The following CCDC178 variants were observed in gnomAD, a reference collection of about 807,000 sequenced individuals.
CCDC178 encodes coiled-coil domain containing 178, also known as coiled-coil domain-containing protein 178.
A neutral mutation model predicts 117.4 loss-of-function variants in CCDC178; 126 were observed. That is an observed-to-expected ratio of 1.07 (90% CI 0.93 to 1.24). The LOEUF is 1.24. Among genes scored for constraint, CCDC178 ranks in the 50% most tolerant of loss-of-function variants. CCDC178 has a pLI of 0.00. For missense variants in CCDC178, 1,030 were observed against 986.9 expected (o/e 1.04, Z -0.59); for synonymous variants, 283 against 313.4 (o/e 0.90, Z 1.02).
intron 21 of CCDC178, among the ~76,000 whole-genome samples, chr18:33,071,727 G>C (rs896930749): frequency 6.6e-6 from 1 of 152,076 alleles, no homozygotes; most frequent in South Asian, 2.1e-4. Flanking sequence ...GTGCTTGAAT[G>C]TTCAACCAAA....
chr18:33,146,199 CT>C (rs2058265195), intron 20 of CCDC178, among the ~76,000 whole-genome samples: 2 of 152,144 alleles, frequency 1.3e-5, no homozygotes, highest in Admixed American at 1.3e-4. Flanking sequence ...AAACTGGAAA[CT>C]TACAAGGGTG....
At chr18:33,333,802 G>A (rs546067151) in intron 9 of CCDC178, among the ~76,000 whole-genome samples, 7 of 151,962 alleles carry the variant, frequency 4.6e-5, no homozygotes, top group East Asian at 1.9e-4. Context: ...ATGAGCCACC[G>A]CACCCGGCCA....
intron 21 of CCDC178, among the ~76,000 whole-genome samples, chr18:33,046,062 C>T (rs1372400763): frequency 6.6e-6 from 1 of 152,110 alleles, no homozygotes; most frequent in Non-Finnish European, 1.5e-5. Context: ...AGGGAGACTC[C>T]ATCTCAAAAT....
intron 21 of CCDC178, among the ~76,000 whole-genome samples, chr18:33,001,729 T>G (rs867784148): frequency 6.6e-6 from 1 of 151,798 alleles, no homozygotes; most frequent in African/African-American, 2.4e-5. Flanking sequence ...TCAAAAGACA[T>G]AGATTGTATG....
intron 7 of CCDC178, among the ~76,000 whole-genome samples, chr18:33,350,256 T>C (rs1464770911): frequency 6.6e-6 from 1 of 152,048 alleles, no homozygotes; most frequent in Non-Finnish European, 1.5e-5. Context: ...ACCAGTAAAA[T>C]TCTATGCTAA....
Position 33,347,067 on chromosome 18 carries a change from C to A in CCDC178, c.458-656G>T, listed in dbSNP as rs531880460. 8.0e-4 allele frequency among the ~76,000 whole-genome samples: 121 copies of A among 151,524 alleles called. 2 individuals carry two copies. In the South Asian group the frequency reaches 0.025, roughly 32 times the overall value. On this transcript the variant is annotated intron_variant, in intron 8 of 22. Transcript: ENST00000383096. The stretch of plus-strand genomic sequence containing the variant: ...CATTTATGAAATAAATGTGTAGAGC[C>A]CATTACGTTCCGGGAACAAGCACAT...
chr18:33,108,158 C>T lies in CCDC178; in HGVS notation c.2239-15248G>A, dbSNP rs2057733147. On this transcript the variant is annotated intron_variant, in intron 20 of 22. Coordinates refer to ENST00000383096, the MANE Select transcript of CCDC178 (RefSeq NM_001105528.4). ...GACCTATATCTTTAAGAACATGGTTCATCTACTCATATATTATATGCATGG... is the reference window on the plus strand; with the variant it reads ...GACCTATATCTTTAAGAACATGGTTTATCTACTCATATATTATATGCATGG... Among the ~76,000 whole-genome samples the T allele has an allele frequency of 2.0e-5, 3 of 151,510 alleles. No individual in the cohort carries two copies. The South Asian group carries it at 6.2e-4, about 31-fold the overall frequency.
intron 20 of CCDC178, among the ~76,000 whole-genome samples, chr18:33,144,477 T>C (rs2058246795): frequency 6.6e-6 from 1 of 152,108 alleles, no homozygotes; most frequent in Admixed American, 6.5e-5. Context: ...GATATTATAA[T>C]ATTATAGTGC....
At chr18:33,125,057 T>A (rs553904974) in intron 20 of CCDC178, among the ~76,000 whole-genome samples, 63 of 152,242 alleles carry the variant, frequency 4.1e-4, no homozygotes, top group African/African-American at 1.5e-3. Flanking sequence ...CAGGAGATTT[T>A]TTTTTTCCTG....
At chr18:33,440,317 GGGGGA>G (rs2064364285) in intron 1 of CCDC178, among the ~76,000 whole-genome samples, 1 of 145,230 alleles carries the variant, frequency 6.9e-6, no homozygotes, top group African/African-American at 2.6e-5. Context: ...CTGGGGGACT[GGGGGA>G]CTGGGGGACT....
chr18:33,334,588 GA>G (rs1419329557), intron 9 of CCDC178, among the ~76,000 whole-genome samples: 4 of 151,880 alleles, frequency 2.6e-5, no homozygotes, highest in African/African-American at 9.7e-5. Flanking sequence ...TTTCTTGATG[GA>G]ATTTGCTGAT....
At chr18:33,159,003 T>C (rs913558360) in intron 20 of CCDC178, among the ~76,000 whole-genome samples, 2 of 152,130 alleles carry the variant, frequency 1.3e-5, no homozygotes, top group African/African-American at 4.8e-5. Flanking sequence ...CTCGTTGTCA[T>C]ATAAAAATTT....
intron 12 of CCDC178, among the ~76,000 whole-genome samples, chr18:33,282,498 C>A (rs2060037092): frequency 6.6e-6 from 1 of 152,152 alleles, no homozygotes; most frequent in Non-Finnish European, 1.5e-5. Context: ...TCTCCTGGGT[C>A]CCCAGCCTGG....
At chr18:33,288,983 A>G (rs189350781) in intron 12 of CCDC178, among the ~76,000 whole-genome samples, 1 of 152,098 alleles carries the variant, frequency 6.6e-6, no homozygotes, top group East Asian at 1.9e-4. Context: ...ATGTAGAGAA[A>G]CTCATACTAC....
At chr18:33,250,714 T>C (rs1369139430) in intron 14 of CCDC178, among the ~76,000 whole-genome samples, 1 of 151,480 alleles carries the variant, frequency 6.6e-6, no homozygotes, top group Non-Finnish European at 1.5e-5. Flanking sequence ...GGACAGGAAA[T>C]AGGATAGATA....
chr18:33,313,999 G>C (rs1248663238), intron 11 of CCDC178, among the ~76,000 whole-genome samples: 1 of 151,302 alleles, frequency 6.6e-6, no homozygotes, highest in African/African-American at 2.4e-5. Flanking sequence ...AGGAGATCGA[G>C]ACCATCCCGG....
In CCDC178 at chr18:33,275,657, G is replaced by A. The variant is rs1292180011; in HGVS notation, c.1177-8360C>T. Among the ~76,000 whole-genome samples the A allele has an allele frequency of 8.2e-5, 9 of 109,408 alleles. No individual in the cohort carries two copies. The East Asian group carries it at 3.3e-3, about 40-fold the overall frequency. 71.8% of individuals were successfully genotyped at this position (109,408 alleles called of 152,430 possible). On this transcript the variant is annotated intron_variant, in intron 12 of 22. Transcript: ENST00000383096. ...TTGGAGGAAGGGTAGGAAAGGGGAGGGGAGGGGGGAGGGGAGGGGAGGGGA... is the reference window on the plus strand; with the variant it reads ...TTGGAGGAAGGGTAGGAAAGGGGAGAGGAGGGGGGAGGGGAGGGGAGGGGA...
At chr18:33,137,602 G>A (rs2058145250) in intron 20 of CCDC178, among the ~76,000 whole-genome samples, 1 of 152,068 alleles carries the variant, frequency 6.6e-6, no homozygotes, top group Non-Finnish European at 1.5e-5. Context: ...TCCATTATAA[G>A]CCCATCTAGA....
chr18:33,336,911 T>C (rs1402225595), intron 9 of CCDC178, among the ~76,000 whole-genome samples: 1 of 152,086 alleles, frequency 6.6e-6, no homozygotes, highest in African/African-American at 2.4e-5. Flanking sequence ...AATTTTAGGA[T>C]TGCTTTTTTC....
Sources: gnomAD v4.1 joint callset for allele counts (sites outside exome capture counted in the v4.1 genomes callset) on GRCh38, gnomAD v4.1.1 for gene constraint, MANE v1.5 for transcripts, NCBI Gene and HGNC (gene_info 2026-07-23, HGNC 2026-07-21) for gene names.